SAXO1: variants seen among roughly 807,000 people sequenced by gnomAD.
SAXO1 encodes the protein stabilizer of axonemal microtubules 1, also known as 4930500O09Rik.
SAXO1 carries 21 observed loss-of-function variants against 17.5 expected under a neutral mutation model. That is an observed-to-expected ratio of 1.20 (90% CI 0.85 to 1.72). The LOEUF (loss-of-function observed/expected upper bound fraction) is 1.72, where lower values mean the gene tolerates loss of function less well. Among genes scored for constraint, SAXO1 ranks in the 40% most tolerant of loss-of-function variants. SAXO1 has a pLI of 0.00. For synonymous variants in SAXO1, 274 were observed against 216.5 expected (o/e 1.27, Z -2.33); for missense variants, 843 against 596.0 (o/e 1.41, Z -4.32).
Position 18,928,062 on chromosome 9 carries a change from A to C in SAXO1, c.1415T>G (p.Val472Gly). The C allele has an allele frequency of 1.3e-6, 2 of 1,588,900 alleles. No individual in the cohort carries two copies. The highest frequency in any genetic ancestry group is 4.5e-5 in the East Asian group (2 of 44,330). Residue 472 changes from valine to glycine, a missense_variant, in exon 4 of 4, where the codon GTG becomes GGG. Coordinates refer to ENST00000380534, the MANE Select transcript of SAXO1 (RefSeq NM_153707.4). ...TACTATTTTTCAAAATCAGGCTAAC[A>C]CTTCCAACTCCCTCTGGTTGGGGTT... ...SENPNQRELE[V>G]LA is the part of the protein sequence containing the mutation.
upstream of SAXO1, among the ~76,000 whole-genome samples, chr9:19,035,461 T>G (rs561003787): frequency 6.6e-6 from 1 of 152,186 alleles, no homozygotes; most frequent in Non-Finnish European, 1.5e-5. Context: ...TATGTCTTTA[T>G]CAGCAGCATG....
intron 1 of SAXO1, among the ~76,000 whole-genome samples, chr9:19,030,701 T>TA (rs762370136): frequency 8.6e-5 from 13 of 150,744 alleles, no homozygotes; most frequent in African/African-American, 2.2e-4. Context: ...CTCAAAAAAA[T>TA]AAAAAAAATA....
At chr9:19,046,067 A>G (rs1270346018) in intron 1 of SAXO1, among the ~76,000 whole-genome samples, 1 of 140,832 alleles carries the variant, frequency 7.1e-6, no homozygotes, top group Non-Finnish European at 1.5e-5. Flanking sequence ...GGGCAACAAG[A>G]ATGAAACTCC....
rs552627637 is a variant in SAXO1, at chr9:19,048,548, G to A, written c.-158+661C>T. 1.7e-4 allele frequency among the ~76,000 whole-genome samples: 26 copies of A among 152,316 alleles called. No individual in the cohort carries two copies. The South Asian group carries it at 5.4e-3, about 32-fold the overall frequency. ...CTGTATGAACGATACTGGCGACACT[G>A]ATTCACTCATCTACTTGAAGACCAA... On this transcript the variant is annotated intron_variant, in intron 1 of 3. Transcript: ENST00000542071.
At chr9:18,952,094 CTGAGTCAGCTA>C (rs1832061014) in intron 1 of SAXO1, among the ~76,000 whole-genome samples, 1 of 152,180 alleles carries the variant, frequency 6.6e-6, no homozygotes, top group Non-Finnish European at 1.5e-5. Flanking sequence ...TACAGCTGGA[CTGAGTCAGCTA>C]TTAAAGCTGT....
intron 1 of SAXO1, among the ~76,000 whole-genome samples, chr9:18,975,483 C>T (rs928942185): frequency 6.6e-6 from 1 of 152,196 alleles, no homozygotes; most frequent in Admixed American, 6.5e-5. Flanking sequence ...GAAATGGAAT[C>T]ATTTGCCCTC....
chr9:18,948,029 A>C (rs191640883), intron 2 of SAXO1, among the ~76,000 whole-genome samples: 24 of 152,304 alleles, frequency 1.6e-4, no homozygotes, highest in Non-Finnish European at 2.8e-4. Context: ...TAGATAAAGA[A>C]GTGGGTGGGA....
At chr9:18,939,930 G>A (rs1191499901) in intron 3 of SAXO1, among the ~76,000 whole-genome samples, 1 of 152,196 alleles carries the variant, frequency 6.6e-6, no homozygotes, top group Non-Finnish European at 1.5e-5. Flanking sequence ...TGTGGAAAAT[G>A]AGTAAAAGCT....
At chr9:18,991,863 T>C (rs1165528502) in intron 1 of SAXO1, among the ~76,000 whole-genome samples, 1 of 152,182 alleles carries the variant, frequency 6.6e-6, no homozygotes, top group African/African-American at 2.4e-5. Flanking sequence ...GGACTGCTGC[T>C]TTACACTAAG....
intron 1 of SAXO1, among the ~76,000 whole-genome samples, chr9:19,004,300 T>C (rs1191861395): frequency 1.3e-5 from 2 of 152,244 alleles, no homozygotes; most frequent in African/African-American, 2.4e-5. Context: ...TGTAAATTAG[T>C]TCAACCATTG....
At chr9:19,039,891 G>C (rs1305308359) in intron 1 of SAXO1, among the ~76,000 whole-genome samples, 1 of 152,068 alleles carries the variant, frequency 6.6e-6, no homozygotes, top group East Asian at 1.9e-4. Context: ...ACCACACCCA[G>C]CTAATTTTTG....
chr9:19,032,813 C>T, intron 1 of SAXO1, 58 bp downstream of exon 1: 1 of 1,586,224 alleles, frequency 6.3e-7, no homozygotes, highest in Non-Finnish European at 8.6e-7. Context: ...GGCTTCCCTT[C>T]CTCGGGAGTC....
chr9:19,033,343 G>A (rs2131058832), upstream of SAXO1: 1 of 170,870 alleles, frequency 5.9e-6, no homozygotes, highest in East Asian at 1.6e-4. Flanking sequence ...GCACCTCACT[G>A]GCAGGCCCAG....
At chr9:19,032,663 C>A (rs1045477237) in intron 1 of SAXO1, among the ~76,000 whole-genome samples, 11 of 152,210 alleles carry the variant, frequency 7.2e-5, no homozygotes, top group African/African-American at 2.2e-4. Context: ...TGAAGCGGCA[C>A]AGAAGGCCCG....
chr9:18,937,815 G>T (rs1163094065), intron 3 of SAXO1, among the ~76,000 whole-genome samples: 2 of 152,048 alleles, frequency 1.3e-5, no homozygotes, highest in Non-Finnish European at 2.9e-5. Context: ...CCAGCCTTCA[G>T]AACTGCGAGA....
At chr9:18,973,945 AAT>A (rs1443534399) in intron 1 of SAXO1, among the ~76,000 whole-genome samples, 6 of 152,236 alleles carry the variant, frequency 3.9e-5, no homozygotes, top group African/African-American at 1.4e-4. Flanking sequence ...TAGAAAGAAA[AAT>A]AATGTACATA....
chr9:19,037,272 T>C (rs1177302150), upstream of SAXO1, among the ~76,000 whole-genome samples: 1 of 152,234 alleles, frequency 6.6e-6, no homozygotes, highest in Non-Finnish European at 1.5e-5. Flanking sequence ...AATGCCGAAA[T>C]GACTTAAGAC....
chr9:18,933,401 G>A (rs185545995), intron 3 of SAXO1, among the ~76,000 whole-genome samples: 3 of 151,980 alleles, frequency 2.0e-5, no homozygotes, highest in Admixed American at 1.3e-4. Flanking sequence ...TCTTTTAAAT[G>A]AATTAAAAGA....
chr9:19,032,673 G>A (rs936786985), intron 1 of SAXO1, among the ~76,000 whole-genome samples, 198 bp downstream of exon 1: 2 of 152,204 alleles, frequency 1.3e-5, no homozygotes, highest in African/African-American at 2.4e-5. Flanking sequence ...CAGAAGGCCC[G>A]AAAACAGCCA....
Sources: gnomAD v4.1 joint callset for allele counts (sites outside exome capture counted in the v4.1 genomes callset) on GRCh38, gnomAD v4.1.1 for gene constraint, MANE v1.5 for transcripts, NCBI Gene and HGNC (gene_info 2026-07-23, HGNC 2026-07-21) for gene names.